Variants in AHCYL2 observed in about 807,000 individuals in gnomAD.
AHCYL2 encodes adenosylhomocysteinase like 2, also known as S-adenosylhomocysteine hydrolase-like protein 2.
A neutral mutation model predicts 81.4 loss-of-function variants in AHCYL2; 28 were observed. The observed-to-expected ratio is 0.34, with a 90% CI of 0.25 to 0.47. The LOEUF is 0.47. Ranked by LOEUF, AHCYL2 falls within the 20% of genes least tolerant of loss-of-function variation. AHCYL2 has a pLI of 1.00. For missense variants in AHCYL2, 551 were observed against 785.1 expected (o/e 0.70, Z 3.56); for synonymous variants, 272 against 290.2 (o/e 0.94, Z 0.64).
intron 6 of AHCYL2, among the ~76,000 whole-genome samples, chr7:129,403,066 A>T (rs147533410): frequency 6.6e-6 from 1 of 152,178 alleles, no homozygotes; most frequent in African/African-American, 2.4e-5. Context: ...CCTAGTAACT[A>T]CAAGTTACCA....
chr7:129,413,983 T>C (rs1409574965), intron 12 of AHCYL2, among the ~76,000 whole-genome samples: 1 of 152,212 alleles, frequency 6.6e-6, no homozygotes, highest in Non-Finnish European at 1.5e-5. Flanking sequence ...AAAACTACAA[T>C]GAATGATAGA....
intron 1 of AHCYL2, among the ~76,000 whole-genome samples, chr7:129,298,583 C>G (rs1443617252): frequency 1.3e-5 from 2 of 152,150 alleles, no homozygotes; most frequent in African/African-American, 4.8e-5. Flanking sequence ...TGTAGCTTTT[C>G]CTAAAATTCC....
chr7:129,360,747 G>A (rs1793906260), intron 1 of AHCYL2, among the ~76,000 whole-genome samples: 1 of 152,110 alleles, frequency 6.6e-6, no homozygotes, highest in Non-Finnish European at 1.5e-5. Flanking sequence ...GCCTATGTGT[G>A]CTTTCATTCA....
At chr7:129,293,511 A>ACAAAAAAT (rs1224251482) in intron 1 of AHCYL2, among the ~76,000 whole-genome samples, 1 of 152,024 alleles carries the variant, frequency 6.6e-6, no homozygotes, top group Non-Finnish European at 1.5e-5. Flanking sequence ...CCCCATCTCT[A>ACAAAAAAT]CAAAAAATAC....
At position 129,368,172 on chromosome 7, in the gene AHCYL2, C is replaced by T. The variant is rs989526113; in HGVS notation, c.364-11466C>T. The stretch of plus-strand genomic sequence containing the variant: ...GCAGAAAGTCCCCACTGGGGAGGTG[C>T]GGGTAGAGTGTTTGGGTAGCATTAA... On this transcript the variant is annotated intron_variant, in intron 1 of 16. Transcript: ENST00000325006. This position sits in a 1 kb window ranked among gnomAD's most constrained non-coding sequence, Gnocchi z 4.4. 3.6e-6 allele frequency: 4 copies of T among 1,114,778 alleles called. No individual in the cohort carries two copies. The highest frequency in any genetic ancestry group is 2.2e-6 in the Non-Finnish European group (2 of 911,704). 69.1% of individuals were successfully genotyped at this position (1,114,778 alleles called of 1,614,324 possible).
chr7:129,392,095 CCTTT>C (rs1490600066), intron 4 of AHCYL2, among the ~76,000 whole-genome samples: 19 of 152,012 alleles, frequency 1.2e-4, no homozygotes, highest in African/African-American at 4.1e-4. Context: ...TTCATGGTTC[CCTTT>C]CTATTTTTTT....
intron 1 of AHCYL2, among the ~76,000 whole-genome samples, chr7:129,229,925 C>T (rs1794360311): frequency 6.6e-6 from 1 of 152,116 alleles, no homozygotes; most frequent in Non-Finnish European, 1.5e-5. Flanking sequence ...CCCTTTCTTC[C>T]TGTTCAGCTA....
chr7:129,320,802 C>T (rs1194037181), intron 1 of AHCYL2, among the ~76,000 whole-genome samples: 2 of 152,200 alleles, frequency 1.3e-5, no homozygotes, highest in Admixed American at 6.5e-5. Context: ...CCCCCAGCCC[C>T]TGGCAACCAC....
intron 1 of AHCYL2, among the ~76,000 whole-genome samples, chr7:129,253,530 G>T (rs1795310193): frequency 1.3e-5 from 2 of 152,162 alleles, no homozygotes; most frequent in African/African-American, 4.8e-5. Context: ...AATGCAAATG[G>T]CAAACACTGT....
Position 129,247,212 on chromosome 7 carries a change from T to A in AHCYL2, c.363+21773T>A, listed in dbSNP as rs923023939. 3.3e-4 allele frequency among the ~76,000 whole-genome samples: 50 copies of A among 152,368 alleles called. 1 individual carries two copies. The highest frequency in any genetic ancestry group is 1.2e-3 in the African/African-American group (48 of 41,576). ...ACCAGCAATGCATGAATGTTTCATT[T>A]TCTTTACATCCTTGCCAATACTTGG... is the stretch of plus-strand genomic sequence containing the variant. On this transcript the variant is annotated intron_variant, in intron 1 of 16. Coordinates refer to ENST00000325006, the MANE Select transcript of AHCYL2 (RefSeq NM_015328.4).
chr7:129,308,564 G>A (rs1329476805), intron 1 of AHCYL2, among the ~76,000 whole-genome samples: 3 of 152,192 alleles, frequency 2.0e-5, no homozygotes, highest in Non-Finnish European at 4.4e-5. Context: ...TCTAATTGAA[G>A]GTGCTTTTTT....
chr7:129,225,274 C>T lies in AHCYL2; in HGVS notation c.198C>T (p.Gly66=), dbSNP rs1401596245. 2 of 1,452,816 alleles carry T rather than the reference C, an allele frequency of 1.4e-6. No individual in the cohort carries two copies. Among genetic ancestry groups the T allele is most frequent in the Non-Finnish European group, 1.8e-6 (2 of 1,111,404 alleles). The allele number at this position is 1,452,816 out of a possible 1,614,324, so 90.0% of individuals were successfully genotyped here. Residue 66 remains glycine (G), a synonymous_variant, in exon 1 of 17, where the codon GGC becomes GGT. Transcript: ENST00000325006. Reference sequence around the variant, plus strand: ...AGCGGCCCCCGGTCCCCGGCCCGGGCTCGGGGCCCGCCGCCGCTCTCAGCC... The same window carrying T: ...AGCGGCCCCCGGTCCCCGGCCCGGGTTCGGGGCCCGCCGCCGCTCTCAGCC... ...AAERPPVPGP[G]SGPAAALSPA...
At chr7:129,263,042 G>A (rs772025452) in intron 1 of AHCYL2, among the ~76,000 whole-genome samples, 1 of 152,184 alleles carries the variant, frequency 6.6e-6, no homozygotes, top group African/African-American at 2.4e-5. Flanking sequence ...GAGTATCACC[G>A]AAGGGTTTTA....
At chr7:129,353,309 CCA>C (rs1258337064) in intron 1 of AHCYL2, among the ~76,000 whole-genome samples, 1 of 152,112 alleles carries the variant, frequency 6.6e-6, no homozygotes, top group Admixed American at 6.6e-5. Flanking sequence ...TAAATTCCAG[CCA>C]CACAAGTAAT....
At chr7:129,255,452 C>T (rs911459520) in intron 1 of AHCYL2, among the ~76,000 whole-genome samples, 2 of 152,174 alleles carry the variant, frequency 1.3e-5, no homozygotes, top group Admixed American at 6.5e-5. Context: ...TGACTAGCCA[C>T]ATTTCAAGAG....
At chr7:129,333,800 C>CT (rs1275386612) in intron 1 of AHCYL2, among the ~76,000 whole-genome samples, 1 of 152,158 alleles carries the variant, frequency 6.6e-6, no homozygotes, top group Admixed American at 6.5e-5. Context: ...TTGTAATAAT[C>CT]TTAAGTTTCT....
Position 129,368,014 on chromosome 7 carries a change from GA to G in AHCYL2, c.364-11621del. The G allele has an allele frequency of 1.3e-6, 1 of 763,368 alleles. No individual in the cohort carries two copies. Among genetic ancestry groups the G allele is most frequent in the Non-Finnish European group, 1.6e-6 (1 of 626,856 alleles). The allele number at this position is 763,368 out of a possible 1,614,324, so 47.3% of individuals were successfully genotyped here. A position where few individuals can be genotyped will look rare whatever the true frequency, so the allele number is the denominator to read the frequency against. ...CTGATCCAAATCAAGCAACTCTTGA[GA>G]AATGGGAGTGCCTTCCTGACCTCAG... On this transcript the variant is annotated intron_variant, in intron 1 of 16. Transcript: ENST00000325006. This position sits in a 1 kb window ranked among gnomAD's most constrained non-coding sequence, Gnocchi z 4.4.
intron 1 of AHCYL2, among the ~76,000 whole-genome samples, chr7:129,230,844 T>G (rs1429599786): frequency 6.6e-6 from 1 of 152,200 alleles, no homozygotes; most frequent in Admixed American, 6.5e-5. Context: ...GTGCTGGGAT[T>G]ACAGGCGTCA....
chr7:129,269,128 C>T, intron 1 of AHCYL2, among the ~76,000 whole-genome samples: 1 of 84,212 alleles, frequency 1.2e-5, no homozygotes, highest in South Asian at 6.2e-4. Context: ...CTAAATGATT[C>T]CTGTTTTTTT....
Sources: allele counts gnomAD v4.1 joint callset (sites outside exome capture counted in the v4.1 genomes callset), GRCh38; gene constraint gnomAD v4.1.1; non-coding constraint Gnocchi (gnomAD v3.1); transcripts MANE v1.5; gene names NCBI Gene and HGNC (gene_info 2026-07-23, HGNC 2026-07-21).